The following SEMA3E variants were observed in gnomAD, a reference collection of about 807,000 sequenced individuals.
SEMA3E encodes semaphorin-3E.
SEMA3E carries 49 observed loss-of-function variants against 93.6 expected under a neutral mutation model. That is an observed-to-expected ratio of 0.52 (90% CI 0.42 to 0.66). The LOEUF (loss-of-function observed/expected upper bound fraction) is 0.66. SEMA3E is among the 30% of genes least tolerant of loss of function. SEMA3E has a pLI of 0.00. For missense variants in SEMA3E, 906 were observed against 964.8 expected (o/e 0.94, Z 0.81); for synonymous variants, 363 against 330.7 (o/e 1.10, Z -1.06).
At chr7:83,461,856 C>T (rs1414706051) in intron 4 of SEMA3E, among the ~76,000 whole-genome samples, 2 of 152,188 alleles carry the variant, frequency 1.3e-5, no homozygotes, top group African/African-American at 4.8e-5. Flanking sequence ...AGCCACATCT[C>T]CAACACACAA....
chr7:83,513,253 A>G (rs1790860251), intron 1 of SEMA3E, among the ~76,000 whole-genome samples: 1 of 152,146 alleles, frequency 6.6e-6, no homozygotes, highest in South Asian at 2.1e-4. Flanking sequence ...TTGGCTCAAA[A>G]TCAAGGCTGT....
chr7:83,447,089 T>C (rs755578455), intron 4 of SEMA3E, among the ~76,000 whole-genome samples: 6 of 152,116 alleles, frequency 3.9e-5, no homozygotes, highest in South Asian at 2.1e-4. Flanking sequence ...CCTGAGGAGA[T>C]TGGACTAGGA....
At position 83,366,295 on chromosome 7, in the gene SEMA3E, C is replaced by T. The variant is rs942022149; in HGVS notation, c.*1291G>A. 3 of 151,730 alleles carry T rather than the reference C, an allele frequency of 2.0e-5. No individual in the cohort carries two copies. Among genetic ancestry groups the T allele is most frequent in the African/African-American group, 7.3e-5 (3 of 41,340 alleles). The allele number at this position is 151,730 out of a possible 1,614,324, so 9.4% of individuals were successfully genotyped here. On this transcript the variant is annotated 3_prime_UTR_variant, in exon 17 of 17. Coordinates refer to ENST00000643230, the MANE Select transcript of SEMA3E (RefSeq NM_012431.3). The stretch of plus-strand genomic sequence containing the variant: ...ATTTCATATTTTAGAAAGGTAATTG[C>T]TAAATATTTAATAGAAGAAGGAAAG...
At chr7:83,437,663 A>T (rs574188988) in intron 4 of SEMA3E, among the ~76,000 whole-genome samples, 1 of 152,332 alleles carries the variant, frequency 6.6e-6, no homozygotes, top group East Asian at 1.9e-4. Context: ...TGAAATGGAA[A>T]TTAAAACAAA....
At chr7:83,591,345 C>T (rs1792753733) in intron 1 of SEMA3E, among the ~76,000 whole-genome samples, 1 of 151,732 alleles carries the variant, frequency 6.6e-6, no homozygotes, top group South Asian at 2.1e-4. Flanking sequence ...AATTTTGTTA[C>T]TGTTAAAATG....
chr7:83,634,940 C>A (rs1793853647), intron 1 of SEMA3E, among the ~76,000 whole-genome samples: 1 of 151,972 alleles, frequency 6.6e-6, no homozygotes, highest in African/African-American at 2.4e-5. Flanking sequence ...GAAAAAAGTT[C>A]TTTCTCTTTA....
chr7:83,505,763 C>T (rs1233806970), intron 1 of SEMA3E, among the ~76,000 whole-genome samples: 3 of 151,976 alleles, frequency 2.0e-5, no homozygotes, highest in African/African-American at 7.2e-5. Context: ...TGCCTGTAAT[C>T]CCAGCACTTT....
chr7:83,416,095 G>T (rs139708498), intron 5 of SEMA3E, among the ~76,000 whole-genome samples: 2 of 152,122 alleles, frequency 1.3e-5, no homozygotes, highest in East Asian at 1.9e-4. Context: ...GGCTCACATA[G>T]GTTATCAGGT....
chr7:83,405,512 A>T lies in SEMA3E; in HGVS notation c.936T>A (p.Val312=). ...TATGATCTCTGGTAGGTAGCAAAAA[A>T]ACGTCCTCTGAAAAATTAAAGGCCA... is the stretch of plus-strand genomic sequence containing the variant. ...IDTYFDELED[V]FLLPTRDHKN... Residue 312 remains valine (V), a synonymous_variant, in exon 9 of 17, where the codon GTT becomes GTA. Transcript: ENST00000643230. 10 of 1,612,986 alleles carry T rather than the reference A, an allele frequency of 6.2e-6. No homozygotes were observed. The highest frequency in any genetic ancestry group is 8.5e-6 in the Non-Finnish European group (10 of 1,179,262).
intron 4 of SEMA3E, among the ~76,000 whole-genome samples, chr7:83,442,904 C>A (rs1789146750): frequency 6.6e-6 from 1 of 152,118 alleles, no homozygotes; most frequent in African/African-American, 2.4e-5. Flanking sequence ...AATAAAACAT[C>A]CTTGGAATTT....
At chr7:83,575,002 G>T (rs1431541786) in intron 1 of SEMA3E, among the ~76,000 whole-genome samples, 1 of 152,106 alleles carries the variant, frequency 6.6e-6, no homozygotes, top group African/African-American at 2.4e-5. Flanking sequence ...GGAAATGAGA[G>T]ACTGTCTCTT....
At chr7:83,504,701 A>T (rs568157586) in intron 1 of SEMA3E, among the ~76,000 whole-genome samples, 1 of 152,308 alleles carries the variant, frequency 6.6e-6, no homozygotes, top group African/African-American at 2.4e-5. Context: ...TTGATTTACT[A>T]TCCAGAAATC....
intron 4 of SEMA3E, among the ~76,000 whole-genome samples, chr7:83,452,323 T>C (rs1283024231): frequency 1.3e-5 from 2 of 151,972 alleles, no homozygotes; most frequent in East Asian, 1.9e-4. Context: ...TTTGTTCAAG[T>C]GGGGGAAAAA....
intron 16 of SEMA3E, chr7:83,372,545 G>T: frequency 6.5e-6 from 2 of 306,774 alleles, no homozygotes; most frequent in Non-Finnish European, 1.2e-5. Context: ...AGTTAAAAAA[G>T]CAGGGTTTAA....
chr7:83,433,093 T>C (rs1788925015), intron 4 of SEMA3E, among the ~76,000 whole-genome samples: 1 of 152,110 alleles, frequency 6.6e-6, no homozygotes, highest in Non-Finnish European at 1.5e-5. Context: ...TTAACTACAT[T>C]AATTTTTTCA....
chr7:83,513,086 C>T (rs532829789), intron 1 of SEMA3E, among the ~76,000 whole-genome samples: 10 of 152,250 alleles, frequency 6.6e-5, no homozygotes, highest in Middle Eastern at 3.4e-3. Context: ...TTGATTTTAA[C>T]GAATTACCAT....
chr7:83,461,747 C>T (rs1157734294), intron 4 of SEMA3E, among the ~76,000 whole-genome samples: 1 of 152,092 alleles, frequency 6.6e-6, no homozygotes, highest in Admixed American at 6.5e-5. Flanking sequence ...AATTAAATTC[C>T]GGCCCTCAAA....
intron 1 of SEMA3E, among the ~76,000 whole-genome samples, chr7:83,545,254 G>GCTAA (rs2115778869): frequency 6.6e-6 from 1 of 152,050 alleles, no homozygotes; most frequent in East Asian, 1.9e-4. Flanking sequence ...ATGTTCATTT[G>GCTAA]CTAAGATGGC....
At chr7:83,574,771 A>G (rs1319698908) in intron 1 of SEMA3E, among the ~76,000 whole-genome samples, 1 of 152,100 alleles carries the variant, frequency 6.6e-6, no homozygotes, top group Non-Finnish European at 1.5e-5. Context: ...ATAATCCCCA[A>G]TTATCTGCCA....
Sources: allele counts gnomAD v4.1 joint callset (sites outside exome capture counted in the v4.1 genomes callset), GRCh38; gene constraint gnomAD v4.1.1; transcripts MANE v1.5; gene names NCBI Gene and HGNC (gene_info 2026-07-23, HGNC 2026-07-21).